The following KDM5B variants were observed in gnomAD, a reference collection of about 807,000 sequenced individuals.
The protein encoded by KDM5B is lysine demethylase 5B.
Under a neutral mutation model 193.4 loss-of-function variants are expected in KDM5B, and 144 were observed. The ratio of observed to expected loss-of-function variants is 0.74; its 90% CI spans 0.65 to 0.86. The LOEUF (loss-of-function observed/expected upper bound fraction) is 0.86. KDM5B is among the 40% of genes least tolerant of loss of function. The pLI is 0.00. For synonymous variants in KDM5B, 668 were observed against 682.6 expected, an observed-to-expected ratio of 0.98 and a Z score of 0.33; for missense variants, 1,833 against 1,886.9, an observed-to-expected ratio of 0.97 and a Z score of 0.53.
At chr1:202,771,477 A>T (rs1409974433) in intron 4 of KDM5B, among the ~76,000 whole-genome samples, 1 of 150,106 alleles carries the variant, frequency 6.7e-6, no homozygotes, top group African/African-American at 2.5e-5. Context: ...CTGACCTCGA[A>T]CTCCTGACCT....
intron 1 of KDM5B, among the ~76,000 whole-genome samples, chr1:202,783,292 G>C (rs1215957373): frequency 4.0e-5 from 6 of 150,886 alleles, no homozygotes; most frequent in Non-Finnish European, 8.9e-5. Flanking sequence ...GAAGAGAAAA[G>C]AGAAGAGACC....
intron 11 of KDM5B, among the ~76,000 whole-genome samples, chr1:202,753,810 C>T (rs1478054609): frequency 6.6e-6 from 1 of 151,954 alleles, no homozygotes; most frequent in Non-Finnish European, 1.5e-5. Context: ...GCTAGTATTA[C>T]AGGCGTGCAC....
In KDM5B at chr1:202,736,322, T is replaced by C. The variant is rs1412184052; in HGVS notation, c.3155A>G (p.His1052Arg). ...LVTRGRSIPVHLNSLPRLETL... is the reference protein window; with the variant it reads ...LVTRGRSIPVRLNSLPRLETL... The stretch of plus-strand genomic sequence containing the variant: ...TTCCAGTCTTGGCAAAGAATTCAGA[T>C]GTACGGGGATAGATCGGCCTCGTGT... Residue 1052 changes from histidine (H) to arginine (R), a missense_variant, in exon 21 of 27, where the codon CAT (histidine) becomes CGT (arginine). His to Arg is a conservative substitution (Grantham distance 29). Coordinates refer to ENST00000367265, the MANE Select transcript of KDM5B (RefSeq NM_006618.5). 1.2e-6 allele frequency: 2 copies of C among 1,612,890 alleles called. No individual in the cohort carries two copies. Among genetic ancestry groups the C allele is most frequent in the African/African-American group, 1.3e-5 (1 of 74,856 alleles).
intron 22 of KDM5B, among the ~76,000 whole-genome samples, chr1:202,734,802 T>C (rs1655035149): frequency 6.6e-6 from 1 of 152,188 alleles, no homozygotes; most frequent in Non-Finnish European, 1.5e-5. Flanking sequence ...AAGAAATCAA[T>C]GGGAGAAGGT....
chr1:202,741,548 CTTCTAGCCAACGGGCTTGTT>C lies in KDM5B; in HGVS notation c.2744_2763del (p.Glu915GlyfsTer16). The C allele has an allele frequency of 6.2e-7, 1 of 1,614,250 alleles. No individual in the cohort carries two copies. Among genetic ancestry groups the C allele is most frequent in the Non-Finnish European group, 8.5e-7 (1 of 1,180,040 alleles). On this transcript the variant is annotated frameshift_variant, in exon 19 of 27. Coordinates refer to ENST00000367265, the MANE Select transcript of KDM5B (RefSeq NM_006618.5). LOFTEE classifies it high-confidence loss of function. Reference sequence around the variant, plus strand: ...GGGTCTAGGCAAGCTTGCTGCACCTCTTCTAGCCAACGGGCTTGTTCCAAACGGATACGCATCTCAGCAAG... The same window carrying C: ...GGGTCTAGGCAAGCTTGCTGCACCTCCCAAACGGATACGCATCTCAGCAAG...
chr1:202,802,338 G>A (rs542634759), intron 1 of KDM5B, among the ~76,000 whole-genome samples: 6 of 152,096 alleles, frequency 3.9e-5, no homozygotes, highest in African/African-American at 1.4e-4. Context: ...TTTAAACAGG[G>A]TTCATTTTTT....
chr1:202,766,789 T>C, intron 5 of KDM5B, 137 bp downstream of exon 5: 2 of 952,462 alleles, frequency 2.1e-6, no homozygotes, highest in Non-Finnish European at 3.1e-6. Flanking sequence ...AAAGCTGGAA[T>C]ACAAACAGCA....
intron 20 of KDM5B, among the ~76,000 whole-genome samples, chr1:202,738,691 CTT>C (rs1001790817): frequency 8.0e-5 from 12 of 149,654 alleles, no homozygotes. Context: ...GAACTTGAGA[CTT>C]TTTTTTTTCT....
At chr1:202,771,201 ATTTTT>A (rs1460832415) in intron 4 of KDM5B, among the ~76,000 whole-genome samples, 1 of 152,018 alleles carries the variant, frequency 6.6e-6, no homozygotes, top group Non-Finnish European at 1.5e-5. Context: ...TCAACATTCT[ATTTTT>A]TATTTTTTAT....
chr1:202,757,897 T>G (rs981347166), intron 9 of KDM5B, among the ~76,000 whole-genome samples: 1 of 152,348 alleles, frequency 6.6e-6, no homozygotes, highest in Non-Finnish European at 1.5e-5. Context: ...TACATTTTGG[T>G]GTACTCATTT....
chr1:202,750,753 C>T lies in KDM5B; in HGVS notation c.1727G>A (p.Gly576Glu). ...TCTTGGAAATGTAATCACAAACTCC[C>T]CAGCACACTGATTAGTTCGGTAAAC... is the stretch of plus-strand genomic sequence containing the variant. ...VPVYRTNQCA[G>E]EFVITFPRAY... Residue 576 changes from glycine (G) to glutamate (E), a missense_variant, in exon 13 of 27, where the codon GGG becomes GAG. By Grantham distance (98) the Gly-to-Glu change is moderately conservative. This residue lies in a region of KDM5B where 1,379 missense variants were observed against 1,349.6 expected (regional missense o/e 1.02). Coordinates refer to ENST00000367265, the MANE Select transcript of KDM5B (RefSeq NM_006618.5). The T allele has an allele frequency of 6.2e-7, 1 of 1,613,882 alleles. No homozygotes were observed. Among genetic ancestry groups the T allele is most frequent in the Non-Finnish European group, 8.5e-7 (1 of 1,179,864 alleles).
chr1:202,752,452 C>G (rs1217946977), intron 12 of KDM5B, among the ~76,000 whole-genome samples: 1 of 152,110 alleles, frequency 6.6e-6, no homozygotes, highest in Non-Finnish European at 1.5e-5. Flanking sequence ...TGTAAGTACA[C>G]TCCATGAAGT....
chr1:202,741,611 C>T lies in KDM5B; in HGVS notation c.2701G>A (p.Asp901Asn). ...QDLLDVSFEFDVELPQLAEMR... is the reference protein window; with the variant it reads ...QDLLDVSFEFNVELPQLAEMR... The stretch of plus-strand genomic sequence containing the variant: ...TCAGCAAGCTGTGGAAGTTCAACAT[C>T]AAATTCAAAGCTGACATCTAGCAAG... The change falls in exon 19 of 27, where the codon GAT becomes AAT. Residue 901 changes from aspartate to asparagine, a missense_variant. Physicochemically the swap from Asp to Asn is conservative, Grantham distance 23. This residue lies in a region of KDM5B where 1,379 missense variants were observed against 1,349.6 expected (regional missense o/e 1.02). Transcript: ENST00000367265. 1 of 1,614,218 alleles carries T rather than the reference C, an allele frequency of 6.2e-7. No homozygotes were observed. The highest frequency in any genetic ancestry group is 1.1e-5 in the South Asian group (1 of 91,082).
intron 1 of KDM5B, among the ~76,000 whole-genome samples, chr1:202,780,151 T>A (rs1008117303): frequency 2.6e-5 from 4 of 152,138 alleles, no homozygotes; most frequent in Admixed American, 2.6e-4. Context: ...GCGCATGCCT[T>A]GTGACCCAGC....
intron 4 of KDM5B, chr1:202,767,337 T>C: frequency 6.2e-7 from 1 of 1,605,666 alleles, no homozygotes; most frequent in Non-Finnish European, 8.5e-7. Context: ...CCACTGAAAA[T>C]GGCAAATTCT....
At chr1:202,736,842 A>G (rs1450071856) in intron 20 of KDM5B, among the ~76,000 whole-genome samples, 1 of 152,074 alleles carries the variant, frequency 6.6e-6, no homozygotes, top group African/African-American at 2.4e-5. Flanking sequence ...GTGTTTCACC[A>G]TGTTGGCCAG....
chr1:202,736,213 C>A lies in KDM5B; in HGVS notation c.3264G>T (p.Glu1088Asp). ...GCAGATGAGCTGGTTGTAAACTTAC[C>A]TCTAAGAGAGAATATGGAGAATTCT... ...LTENSPYSLL[E>D]VLCPRCDIGL... Residue 1088 changes from glutamate (E) to aspartate (D), a missense_variant and splice_region_variant, in exon 21 of 27, where the codon GAG (glutamate) becomes GAT (aspartate). Around this residue, in one of 3 missense-constraint regions of KDM5B, gnomAD observed 1,379 missense variants for 1,349.6 expected, o/e 1.02. Transcript: ENST00000367265. The A allele has an allele frequency of 1.3e-6, 2 of 1,565,156 alleles. No homozygotes were observed. The highest frequency in any genetic ancestry group is 1.9e-5 in the Admixed American group (1 of 53,594).
chr1:202,755,158 G>GA, intron 11 of KDM5B, 113 bp downstream of exon 11: 1 of 744,324 alleles, frequency 1.3e-6, no homozygotes. Context: ...AAACCTTAGG[G>GA]AAAAAAGTAG....
rs1227606355 is a variant in KDM5B at position 202,807,037 on chromosome 1, T to A, written c.204+1065A>T. The A allele has an allele frequency of 3.3e-5, 5 of 152,480 alleles. No individual in the cohort carries two copies. The East Asian group carries it at 9.7e-4, about 29-fold the overall frequency. 9.4% of individuals were successfully genotyped at this position (152,480 alleles called of 1,614,324 possible). On this transcript the variant is annotated intron_variant, in intron 1 of 26. Transcript: ENST00000367265. ...TCTCCTCAGCGAACGTTGGAGCCGTTACGGATGGTTTCAGCAACACCCACC... is the reference window on the plus strand; with the variant it reads ...TCTCCTCAGCGAACGTTGGAGCCGTAACGGATGGTTTCAGCAACACCCACC...
Sources: gnomAD v4.1 joint callset for allele counts (sites outside exome capture counted in the v4.1 genomes callset) on GRCh38, gnomAD v4.1.1 for gene constraint, gnomAD v4.1.1 regional missense constraint, MANE v1.5 for transcripts, NCBI Gene and HGNC (gene_info 2026-07-23, HGNC 2026-07-21) for gene names.